The following PCDHGA10 variants were observed in gnomAD, a reference collection of about 807,000 sequenced individuals.
The protein encoded by PCDHGA10 is protocadherin gamma-A10.
A neutral mutation model predicts 59.5 loss-of-function variants in PCDHGA10; 42 were observed. The ratio of observed to expected loss-of-function variants is 0.71; its 90% CI spans 0.55 to 0.91. The LOEUF is 0.91. Among genes scored for constraint, PCDHGA10 ranks in the 40% least tolerant of loss-of-function variants. The pLI is 0.00. For synonymous variants in PCDHGA10, 511 were observed against 517.2 expected (o/e 0.99, Z 0.16); for missense variants, 1,111 against 1,198.2 (o/e 0.93, Z 1.07).
At position 141,415,347 on chromosome 5, in the gene PCDHGA10, C is replaced by G; in HGVS notation, c.2172C>G (p.His724Gln). The change falls in exon 1 of 4, where the codon CAC becomes CAG. Residue 724 changes from histidine (H) to glutamine (Q), a missense_variant. His to Gln is a conservative substitution (Grantham distance 24). Coordinates refer to ENST00000398610, the MANE Select transcript of PCDHGA10 (RefSeq NM_018913.3). Reference protein sequence around the residue: ...VLLAHRLRRWHKSRLLQASGG... With the variant: ...VLLAHRLRRWQKSRLLQASGG... ...TGGCGCACAGGCTGCGGCGCTGGCA[C>G]AAGTCACGCCTGCTGCAGGCTTCAG... 6.2e-7 allele frequency: 1 copy of G among 1,614,238 alleles called. No individual in the cohort carries two copies. Among genetic ancestry groups the G allele is most frequent in the South Asian group, 1.1e-5 (1 of 91,088 alleles).
Position 141,413,841 on chromosome 5 carries a change from T to A in PCDHGA10, c.666T>A (p.Gly222=). ...TGGTCCTCACCGCCTCCGACGGGGG[T>A]GACCCTCTCCGATCTGGCACTGTCC... ...HHLVLTASDG[G]DPLRSGTVLV... The change falls in exon 1 of 4, where the codon GGT becomes GGA. Residue 222 remains glycine (G), a synonymous_variant. Transcript: ENST00000398610. 1 of 1,613,060 alleles carries A rather than the reference T, an allele frequency of 6.2e-7. No individual in the cohort carries two copies. Among genetic ancestry groups the A allele is most frequent in the Non-Finnish European group, 8.5e-7 (1 of 1,179,824 alleles).
chr5:141,423,624 T>A (rs756883871), intron 1 of PCDHGA10: 9 of 1,607,038 alleles, frequency 5.6e-6, no homozygotes, highest in African/African-American at 1.3e-5. Flanking sequence ...AAGACTCAGC[T>A]ATCATTTTAG....
rs1282403944 is a variant in PCDHGA10 at position 141,485,452 on chromosome 5, G to A, written c.2437-9355G>A. ...TCATCAAGAACCCAATCGACCGAGA[G>A]GCACTGTGTGGGCTCAGTGCCAGCT... On this transcript the variant is annotated intron_variant, in intron 1 of 3. Transcript: ENST00000398610. The surrounding 1 kb of genome is among the most constrained non-coding windows in gnomAD (Gnocchi z 5.7). 2.5e-6 allele frequency: 4 copies of A among 1,614,054 alleles called. No individual in the cohort carries two copies. Among genetic ancestry groups the A allele is most frequent in the East Asian group, 4.5e-5 (2 of 44,884 alleles).
intron 1 of PCDHGA10, among the ~76,000 whole-genome samples, chr5:141,460,763 T>A (rs904048213): frequency 4.6e-5 from 7 of 152,170 alleles, no homozygotes; most frequent in Admixed American, 1.3e-4. Context: ...ATATACATAT[T>A]GCATATGTAT....
At chr5:141,420,382 C>CA (rs1414569792) in intron 1 of PCDHGA10, 5 of 1,300,530 alleles carry the variant, frequency 3.8e-6, no homozygotes, top group Non-Finnish European at 5.1e-6. Flanking sequence ...ATAGAGTTCG[C>CA]AAAATATAGG....
At chr5:141,418,050 G>T in intron 1 of PCDHGA10, 1 of 1,613,576 alleles carries the variant, frequency 6.2e-7, no homozygotes, top group Non-Finnish European at 8.5e-7. Context: ...GTGTCGGCTC[G>T]CGAGCTGCGA....
rs199507728 is a variant in PCDHGA10, at chr5:141,422,807, G to A, written c.2436+7196G>A. On this transcript the variant is annotated intron_variant, in intron 1 of 3. Coordinates refer to ENST00000398610, the MANE Select transcript of PCDHGA10 (RefSeq NM_018913.3). ...CAATCCTTCGACTATGAGCAGTTTC[G>A]AGACTTAGAACTGAGAGTGATAGCA... 1.9e-3 allele frequency: 3,146 copies of A among 1,614,198 alleles called. 36 individuals are homozygous for A. The highest frequency in any genetic ancestry group is 0.018 in the South Asian group (1,680 of 91,084).
chr5:141,420,311 T>G (rs762191274), intron 1 of PCDHGA10: 1 of 1,454,814 alleles, frequency 6.9e-7, no homozygotes, highest in Non-Finnish European at 9.3e-7. Flanking sequence ...CTTTTTATAT[T>G]ACAATATGCC....
intron 1 of PCDHGA10, chr5:141,478,874 A>G: frequency 1.6e-6 from 2 of 1,276,696 alleles, no homozygotes; most frequent in Non-Finnish European, 2.1e-6. Flanking sequence ...ATCAGAGTTT[A>G]GCTTGGTATC....
Position 141,489,828 on chromosome 5 carries a change from A to G in PCDHGA10, c.2437-4979A>G. The G allele has an allele frequency of 1.9e-6, 3 of 1,614,010 alleles. No homozygotes were observed. The highest frequency in any genetic ancestry group is 1.1e-5 in the South Asian group (1 of 91,080). ...GGAAGCCATTCCCAGAGCTGGTGCTAGAGCAGCAGCTGGATCGTGAAGCCC... is the reference window on the plus strand; with the variant it reads ...GGAAGCCATTCCCAGAGCTGGTGCTGGAGCAGCAGCTGGATCGTGAAGCCC... On this transcript the variant is annotated intron_variant, in intron 1 of 3. Transcript: ENST00000398610. The surrounding 1 kb of genome is among the most constrained non-coding windows in gnomAD (Gnocchi z 4.5).
intron 2 of PCDHGA10, among the ~76,000 whole-genome samples, chr5:141,498,421 A>C (rs1328848787): frequency 6.6e-6 from 1 of 152,016 alleles, no homozygotes; most frequent in Non-Finnish European, 1.5e-5. Flanking sequence ...CTGGCACTGG[A>C]GTGAGGGGAT....
intron 1 of PCDHGA10, chr5:141,478,684 T>C: frequency 6.4e-7 from 1 of 1,551,340 alleles, no homozygotes; most frequent in Non-Finnish European, 8.7e-7. Flanking sequence ...TGGCCCTTCC[T>C]AGATCAAAGT....
Position 141,491,722 on chromosome 5 carries a change from CG to C in PCDHGA10, c.2437-3082del. Reference sequence around the variant, plus strand: ...CCAGGTGAGGGGCTCGGCGCCGCCCCGGGCGACCCCTGGGGGCGGCACTGGA... The same window carrying C: ...CCAGGTGAGGGGCTCGGCGCCGCCCCGGCGACCCCTGGGGGCGGCACTGGA... On this transcript the variant is annotated intron_variant, in intron 1 of 3. Transcript: ENST00000398610. The surrounding 1 kb of genome is among the most constrained non-coding windows in gnomAD (Gnocchi z 6.9). The C allele has an allele frequency of 1.2e-6, 2 of 1,607,004 alleles. No homozygotes were observed. Among genetic ancestry groups the C allele is most frequent in the Non-Finnish European group, 1.7e-6 (2 of 1,177,148 alleles).
intron 1 of PCDHGA10, among the ~76,000 whole-genome samples, chr5:141,467,341 C>T (rs1169830103): frequency 6.6e-6 from 1 of 152,214 alleles, no homozygotes; most frequent in Non-Finnish European, 1.5e-5. Context: ...ACGTAAGCCA[C>T]TGCCCCCGGC....
chr5:141,495,010 G>A (rs1327870362), intron 2 of PCDHGA10, 145 bp downstream of exon 2: 6 of 1,516,970 alleles, frequency 4.0e-6, no homozygotes, highest in Non-Finnish European at 5.3e-6. Context: ...GTGTGCGGGG[G>A]GCTGGCACAC....
At chr5:141,478,279 G>A (rs2099443292) in intron 1 of PCDHGA10, 1 of 1,614,202 alleles carries the variant, frequency 6.2e-7, no homozygotes, top group Middle Eastern at 1.6e-4. Context: ...ACAAGTGGAA[G>A]CAGTCTAGAG....
chr5:141,496,132 C>T (rs865808904), intron 2 of PCDHGA10, among the ~76,000 whole-genome samples: 1 of 152,058 alleles, frequency 6.6e-6, no homozygotes, highest in African/African-American at 2.4e-5. Flanking sequence ...CCCTCACACA[C>T]TGAGCCTTTG....
Position 141,491,883 on chromosome 5 carries a change from G to T in PCDHGA10, c.2437-2924G>T. On this transcript the variant is annotated intron_variant, in intron 1 of 3. Transcript: ENST00000398610. The surrounding 1 kb of genome is among the most constrained non-coding windows in gnomAD (Gnocchi z 6.9). The stretch of plus-strand genomic sequence containing the variant: ...AAACCAGAGTGGCCGATTAAGGGAT[G>T]GGGCTCCGAGCACCGGGGGTGGTGG... 1 of 1,446,756 alleles carries T rather than the reference G, an allele frequency of 6.9e-7. No individual in the cohort carries two copies. Among genetic ancestry groups the T allele is most frequent in the South Asian group, 1.5e-5 (1 of 67,644 alleles). 89.6% of individuals were successfully genotyped at this position (1,446,756 alleles called of 1,614,324 possible). A position where few individuals can be genotyped will look rare whatever the true frequency, so the allele number is the denominator to read the frequency against.
At chr5:141,433,056 G>A (rs1422450948) in intron 1 of PCDHGA10, 1 of 1,614,204 alleles carries the variant, frequency 6.2e-7, no homozygotes, top group South Asian at 1.1e-5. Context: ...TCGCGGAAGA[G>A]TCACCTGATC....
Sources: gnomAD v4.1 joint callset for allele counts (sites outside exome capture counted in the v4.1 genomes callset) on GRCh38, gnomAD v4.1.1 for gene constraint, Gnocchi (gnomAD v3.1) non-coding constraint, MANE v1.5 for transcripts, NCBI Gene and HGNC (gene_info 2026-07-23, HGNC 2026-07-21) for gene names.